Variants in UBE2D2 observed in about 807,000 individuals in gnomAD.
The protein encoded by UBE2D2 is ubiquitin conjugating enzyme E2 D2, also known as ubiquitin-conjugating enzyme E2 D2.
In UBE2D2, 2 loss-of-function variants were observed where a neutral mutation model predicts 24.2. The ratio of observed to expected loss-of-function variants is 0.08; its 90% CI spans 0.03 to 0.26. The LOEUF (loss-of-function observed/expected upper bound fraction) is 0.26. Ranked by LOEUF, UBE2D2 falls within the 10% of genes least tolerant of loss-of-function variation. The pLI, the probability that UBE2D2 is intolerant of heterozygous loss-of-function variation, is 1.00. For missense variants in UBE2D2, 44 were observed against 177.6 expected, an observed-to-expected ratio of 0.25 and a Z score of 4.28; for synonymous variants, 58 against 56.5, an observed-to-expected ratio of 1.03 and a Z score of -0.12.
chr5:139,536,315 T>A (rs1752681674), intron 1 of UBE2D2, among the ~76,000 whole-genome samples: 1 of 151,804 alleles, frequency 6.6e-6, no homozygotes, highest in South Asian at 2.1e-4. Flanking sequence ...GTCAGGCTGG[T>A]CTCGAACTCC....
chr5:139,559,598 G>A (rs1753030578), upstream of UBE2D2, among the ~76,000 whole-genome samples: 1 of 152,092 alleles, frequency 6.6e-6, no homozygotes, highest in African/African-American at 2.4e-5. Context: ...CGGTGCTTCT[G>A]TCCTAATGGT....
At position 139,580,451 on chromosome 5, in the gene UBE2D2, C is replaced by A. The variant is rs79862331; in HGVS notation, c.24+18636C>A. The stretch of plus-strand genomic sequence containing the variant: ...GCTGGGACAGCGTAACAGAGTGAGA[C>A]CCTGTTTCTACAAATTTTTTTCTTT... On this transcript the variant is annotated intron_variant, in intron 1 of 6. Coordinates refer to ENST00000398733, the MANE Select transcript of UBE2D2 (RefSeq NM_003339.3). Among the ~76,000 whole-genome samples the A allele has an allele frequency of 1.1e-3, 175 of 152,188 alleles. 14 individuals carry two copies. In the East Asian group the frequency reaches 0.034, roughly 29 times the overall value.
At chr5:139,596,911 G>A (rs1358621835) in intron 1 of UBE2D2, among the ~76,000 whole-genome samples, 1 of 151,914 alleles carries the variant, frequency 6.6e-6, no homozygotes, top group Non-Finnish European at 1.5e-5. Context: ...GCCCGGCGTG[G>A]TGGTGGGCAC....
intron 1 of UBE2D2, among the ~76,000 whole-genome samples, chr5:139,532,173 CTT>C (rs552161384): frequency 8.8e-5 from 12 of 135,772 alleles, no homozygotes; most frequent in Admixed American, 7.4e-5. Context: ...ATTTATTCTA[CTT>C]TTTTTTTTTT....
At chr5:139,527,061 TA>T (rs1007568097) in intron 1 of UBE2D2, among the ~76,000 whole-genome samples, 6 of 151,648 alleles carry the variant, frequency 4.0e-5, no homozygotes, top group East Asian at 1.9e-4. Flanking sequence ...GGAACTATGT[TA>T]AAAAAAAATT....
At chr5:139,548,177 A>AT (rs1752860089) in intron 1 of UBE2D2, among the ~76,000 whole-genome samples, 4 of 39,278 alleles carry the variant, frequency 1.0e-4, no homozygotes, top group South Asian at 2.1e-3. Flanking sequence ...AAAAAAAAAA[A>AT]AAAAAATAAA....
In UBE2D2 at chr5:139,561,787, C is replaced by G. The variant is rs1753104872; in HGVS notation, c.-5C>G. ...CCCGGGGGCCGCCGCCACCCGCCTC[C>G]CACCATGGCTCTGAAGAGAATCCAC... On this transcript the variant is annotated 5_prime_UTR_variant, in exon 1 of 7. Coordinates refer to ENST00000398733, the MANE Select transcript of UBE2D2 (RefSeq NM_003339.3). 6.6e-7 allele frequency: 1 copy of G among 1,504,052 alleles called. No homozygotes were observed. The highest frequency in any genetic ancestry group is 8.8e-7 in the Non-Finnish European group (1 of 1,133,956). The allele number at this position is 1,504,052 out of a possible 1,614,324, so 93.2% of individuals were successfully genotyped here.
intron 1 of UBE2D2, among the ~76,000 whole-genome samples, chr5:139,584,509 CCTTTTT>C (rs1464815414): frequency 6.7e-6 from 1 of 149,986 alleles, no homozygotes; most frequent in Non-Finnish European, 1.5e-5. Context: ...CCCCAAAACA[CCTTTTT>C]CTTTTTTCTT....
intron 1 of UBE2D2, among the ~76,000 whole-genome samples, chr5:139,553,377 A>G (rs1752945031): frequency 6.6e-6 from 1 of 152,162 alleles, no homozygotes; most frequent in African/African-American, 2.4e-5. Flanking sequence ...ATTCAGTAGT[A>G]CTTTTTACCA....
chr5:139,625,295 T>TG (rs1406996851), intron 6 of UBE2D2, among the ~76,000 whole-genome samples: 1 of 148,450 alleles, frequency 6.7e-6, no homozygotes, highest in Admixed American at 6.7e-5. Flanking sequence ...TTTTTTTTTT[T>TG]GTAGAGACAG....
chr5:139,538,687 A>C lies in UBE2D2; in HGVS notation c.-64+12075A>C, dbSNP rs781510791. On this transcript the variant is annotated intron_variant, in intron 1 of 6. Coordinates refer to the UBE2D2 transcript ENST00000511725. ...GGAGTTCAAGACCAGCCTGACCAAC[A>C]TGGAAAAACCCTGTCTCTACTAAAA... Among the ~76,000 whole-genome samples, 3 of 152,164 alleles carry C rather than the reference A, an allele frequency of 2.0e-5. No individual in the cohort carries two copies. In the South Asian group the frequency reaches 6.2e-4, roughly 32 times the overall value.
At chr5:139,624,993 T>C (rs1754584533) in intron 6 of UBE2D2, among the ~76,000 whole-genome samples, 1 of 152,192 alleles carries the variant, frequency 6.6e-6, no homozygotes, top group Admixed American at 6.5e-5. Context: ...CAAGTCATCA[T>C]GGAGTAATGT....
At chr5:139,623,301 C>A in intron 5 of UBE2D2, 67 bp from the exon 6 acceptor site, 2 of 1,133,586 alleles carry the variant, frequency 1.8e-6, no homozygotes, top group Admixed American at 2.1e-5. Flanking sequence ...CATGTTTTGG[C>A]GTCTCATGTT....
chr5:139,532,372 G>A (rs888689778), intron 1 of UBE2D2, among the ~76,000 whole-genome samples: 6 of 149,264 alleles, frequency 4.0e-5, no homozygotes, highest in African/African-American at 1.5e-4. Context: ...TTTTTTCTGA[G>A]ATGGAGTCTC....
At chr5:139,577,576 G>A (rs971641877) in intron 1 of UBE2D2, among the ~76,000 whole-genome samples, 1 of 151,830 alleles carries the variant, frequency 6.6e-6, no homozygotes, top group African/African-American at 2.4e-5. Flanking sequence ...ACCACGTCTG[G>A]CTAATTATTG....
Position 139,616,926 on chromosome 5 carries a change from A to G in UBE2D2, c.304+1960A>G, listed in dbSNP as rs189792252. Among the ~76,000 whole-genome samples the G allele has an allele frequency of 3.9e-5, 6 of 152,308 alleles. No homozygotes were observed. In the South Asian group the frequency reaches 6.2e-4, roughly 16 times the overall value. The stretch of plus-strand genomic sequence containing the variant: ...GCCAGGCATAGTGGTTCATGCCTGT[A>G]ATCCCAGAACTTTATGAGGCTGAGA... On this transcript the variant is annotated intron_variant, in intron 5 of 6. Coordinates refer to ENST00000398733, the MANE Select transcript of UBE2D2 (RefSeq NM_003339.3).
At chr5:139,563,661 G>T (rs1233106865) in intron 1 of UBE2D2, among the ~76,000 whole-genome samples, 3 of 152,128 alleles carry the variant, frequency 2.0e-5, no homozygotes, top group African/African-American at 7.2e-5. Context: ...TGCCGGGCGC[G>T]GTGGCTCACG....
chr5:139,550,795 G>A (rs1752907357), intron 1 of UBE2D2, among the ~76,000 whole-genome samples: 1 of 151,722 alleles, frequency 6.6e-6, no homozygotes, highest in Non-Finnish European at 1.5e-5. Context: ...TGAAGCCAGT[G>A]AGACCACAAA....
At chr5:139,538,738 T>C (rs1752718360) in intron 1 of UBE2D2, among the ~76,000 whole-genome samples, 1 of 151,938 alleles carries the variant, frequency 6.6e-6, no homozygotes, top group Non-Finnish European at 1.5e-5. Context: ...CCGGGCATGG[T>C]GGCGCATGCC....
Sources: allele counts gnomAD v4.1 joint callset (sites outside exome capture counted in the v4.1 genomes callset), GRCh38; gene constraint gnomAD v4.1.1; transcripts MANE v1.5; gene names NCBI Gene and HGNC (gene_info 2026-07-23, HGNC 2026-07-21).